TMEM132D: variants seen among roughly 807,000 people sequenced by gnomAD.
TMEM132D encodes transmembrane protein 132D, also known as mature OL transmembrane protein.
A neutral mutation model predicts 62.3 loss-of-function variants in TMEM132D; 21 were observed. The ratio of observed to expected loss-of-function variants is 0.34; its 90% CI spans 0.24 to 0.49. TMEM132D has a LOEUF of 0.49. Ranked by LOEUF, TMEM132D falls within the 20% of genes least tolerant of loss-of-function variation. The pLI is 0.99. For synonymous variants in TMEM132D, 621 were observed against 575.6 expected, an observed-to-expected ratio of 1.08 and a Z score of -1.13; for missense variants, 1,346 against 1,402.8, an observed-to-expected ratio of 0.96 and a Z score of 0.65.
chr12:129,792,387 G>T (rs1386779845), intron 1 of TMEM132D, among the ~76,000 whole-genome samples: 2 of 152,230 alleles, frequency 1.3e-5, no homozygotes, highest in Admixed American at 6.5e-5. Flanking sequence ...TATGTACCCG[G>T]TTATTGCTGG....
At chr12:129,877,613 G>GCACACACACACACACACA (rs141592866) in intron 1 of TMEM132D, among the ~76,000 whole-genome samples, 44 of 144,400 alleles carry the variant, frequency 3.0e-4, no homozygotes, top group African/African-American at 1.1e-3. Flanking sequence ...GCGCGCGCGC[G>GCACACACACACACACACA]CACACACACA....
chr12:129,280,960 G>A (rs1045083901), intron 4 of TMEM132D, among the ~76,000 whole-genome samples: 5 of 151,346 alleles, frequency 3.3e-5, no homozygotes, highest in South Asian at 2.1e-4. Context: ...GGTCATTTTC[G>A]CCACAATATT....
At chr12:129,390,911 G>A (rs1454219048) in intron 3 of TMEM132D, among the ~76,000 whole-genome samples, 1 of 152,118 alleles carries the variant, frequency 6.6e-6, no homozygotes, top group African/African-American at 2.4e-5. Flanking sequence ...TAGTTTATTT[G>A]TAAAATATTG....
At chr12:129,615,337 G>C (rs758944777) in intron 2 of TMEM132D, among the ~76,000 whole-genome samples, 4 of 152,040 alleles carry the variant, frequency 2.6e-5, no homozygotes, top group Non-Finnish European at 5.9e-5. Flanking sequence ...CCAATATCTG[G>C]CCGTTTGTTT....
At chr12:129,291,756 G>A (rs1378952841) in intron 4 of TMEM132D, among the ~76,000 whole-genome samples, 1 of 152,058 alleles carries the variant, frequency 6.6e-6, no homozygotes, top group East Asian at 1.9e-4. Flanking sequence ...GGAAAGGGGA[G>A]AAACTCTAGG....
chr12:129,488,824 G>GT (rs1874669373), intron 3 of TMEM132D, among the ~76,000 whole-genome samples: 1 of 151,332 alleles, frequency 6.6e-6, no homozygotes, highest in African/African-American at 2.4e-5. Context: ...ACTTTGCATG[G>GT]TTAAAAAAAA....
chr12:129,593,805 C>T (rs1300210583), intron 2 of TMEM132D, among the ~76,000 whole-genome samples: 6 of 151,938 alleles, frequency 3.9e-5, no homozygotes, highest in Non-Finnish European at 7.4e-5. Context: ...TGGCATCAAA[C>T]GTCACGGGGA....
chr12:129,763,010 G>A (rs1870434825), intron 1 of TMEM132D, among the ~76,000 whole-genome samples: 1 of 152,184 alleles, frequency 6.6e-6, no homozygotes, highest in Non-Finnish European at 1.5e-5. Context: ...ATATTTGCAT[G>A]TAAAAGGAGA....
In TMEM132D at chr12:129,236,017, T is replaced by G. The variant is rs548357527; in HGVS notation, c.1300-26354A>C. 9.9e-5 allele frequency among the ~76,000 whole-genome samples: 15 copies of G among 152,228 alleles called. No homozygotes were observed. In the South Asian group the frequency reaches 2.9e-3, roughly 29 times the overall value. On this transcript the variant is annotated intron_variant, in intron 4 of 8. Transcript: ENST00000422113. Reference sequence around the variant, plus strand: ...TTCTATTTATTTGCAGCATCTTCAATTTCTCTCAAATATGTGTTACAGTTC... The same window carrying G: ...TTCTATTTATTTGCAGCATCTTCAAGTTCTCTCAAATATGTGTTACAGTTC...
At chr12:129,297,843 A>T (rs1424579610) in intron 4 of TMEM132D, among the ~76,000 whole-genome samples, 1 of 152,104 alleles carries the variant, frequency 6.6e-6, no homozygotes, top group Non-Finnish European at 1.5e-5. Flanking sequence ...CCCCAACCCC[A>T]TGTTCTGGGA....
chr12:129,691,783 CA>C (rs1410199596), intron 2 of TMEM132D, among the ~76,000 whole-genome samples: 1 of 151,842 alleles, frequency 6.6e-6, no homozygotes, highest in African/African-American at 2.4e-5. Flanking sequence ...CAAAAACAAG[CA>C]AAACAACTCC....
intron 3 of TMEM132D, among the ~76,000 whole-genome samples, chr12:129,383,329 C>G (rs1158769626): frequency 6.6e-6 from 1 of 152,204 alleles, no homozygotes; most frequent in Non-Finnish European, 1.5e-5. Context: ...CTGAAGAACC[C>G]TAAGCCCACC....
chr12:129,093,559 C>T (rs1875001269), intron 5 of TMEM132D, among the ~76,000 whole-genome samples: 3 of 152,240 alleles, frequency 2.0e-5, no homozygotes, highest in South Asian at 2.1e-4. Context: ...GGAAGAACAT[C>T]CCATGCTCAT....
At chr12:129,255,660 C>T (rs1013887962) in intron 4 of TMEM132D, among the ~76,000 whole-genome samples, 4 of 152,166 alleles carry the variant, frequency 2.6e-5, no homozygotes, top group Non-Finnish European at 4.4e-5. Flanking sequence ...GTGTCCTCAA[C>T]CTTCACCTGT....
At chr12:129,576,296 G>A (rs983195057) in intron 2 of TMEM132D, among the ~76,000 whole-genome samples, 1 of 151,634 alleles carries the variant, frequency 6.6e-6, no homozygotes, top group Non-Finnish European at 1.5e-5. Flanking sequence ...TTACTATAAC[G>A]TTTTACAATT....
intron 5 of TMEM132D, among the ~76,000 whole-genome samples, chr12:129,114,286 A>AG (rs1356080616): frequency 6.6e-6 from 1 of 152,108 alleles, no homozygotes; most frequent in African/African-American, 2.4e-5. Context: ...CTGGTTAGTA[A>AG]GGACAGTGAT....
At chr12:129,483,409 G>T (rs555174673) in intron 3 of TMEM132D, among the ~76,000 whole-genome samples, 1 of 152,194 alleles carries the variant, frequency 6.6e-6, no homozygotes, top group South Asian at 2.1e-4. Flanking sequence ...CACACCCAAG[G>T]TTGAGAGACA....
At chr12:129,622,751 T>C (rs1223231904) in intron 2 of TMEM132D, among the ~76,000 whole-genome samples, 3 of 152,210 alleles carry the variant, frequency 2.0e-5, no homozygotes, top group Admixed American at 6.5e-5. Context: ...CTGTCAATCA[T>C]AGTGCCCTTC....
At chr12:129,515,452 C>T (rs973618602) in intron 3 of TMEM132D, among the ~76,000 whole-genome samples, 7 of 152,160 alleles carry the variant, frequency 4.6e-5, no homozygotes, top group Non-Finnish European at 7.3e-5. Flanking sequence ...CTTATAAAAT[C>T]TTAGAGTGAC....
Sources: allele counts gnomAD v4.1 joint callset (sites outside exome capture counted in the v4.1 genomes callset), GRCh38; gene constraint gnomAD v4.1.1; transcripts MANE v1.5; gene names NCBI Gene and HGNC (gene_info 2026-07-23, HGNC 2026-07-21).